Variants in TRDMT1 observed in about 807,000 individuals in gnomAD.
TRDMT1 encodes tRNA aspartic acid methyltransferase 1, also known as tRNA (cytosine(38)-C(5))-methyltransferase.
Under a neutral mutation model 51.2 loss-of-function variants are expected in TRDMT1, and 49 were observed. That is an observed-to-expected ratio of 0.96 (90% CI 0.76 to 1.21). The LOEUF (loss-of-function observed/expected upper bound fraction) is 1.21. Ranked by LOEUF, TRDMT1 falls within the 50% of genes most tolerant of loss-of-function variation. The probability of loss-of-function intolerance (pLI) is 0.00; values close to 1 mark genes in which losing one functional copy is unlikely to be tolerated. For missense variants in TRDMT1, 534 were observed against 462.3 expected (o/e 1.16, Z -1.42); for synonymous variants, 187 against 164.6 (o/e 1.14, Z -1.04).
In TRDMT1 at chr10:17,145,071, G is replaced by A; in HGVS notation, c.*3969C>T. ...TCGAGACCAGCCTGGCCAACATGGT[G>A]AAACCCGATCTCTACTAATACAAAA... is the stretch of plus-strand genomic sequence containing the variant. On this transcript the variant is annotated 3_prime_UTR_variant, in exon 11 of 11. Transcript: ENST00000377799. 1.4e-6 allele frequency: 1 copy of A among 722,742 alleles called. No individual in the cohort carries two copies. The highest frequency in any genetic ancestry group is 1.7e-6 in the Non-Finnish European group (1 of 590,266). 44.8% of individuals were successfully genotyped at this position (722,742 alleles called of 1,614,324 possible).
chr10:17,174,313 T>C (rs1842387634), intron 2 of TRDMT1, among the ~76,000 whole-genome samples: 1 of 152,214 alleles, frequency 6.6e-6, no homozygotes, highest in Non-Finnish European at 1.5e-5. Context: ...AGCATATCCT[T>C]ACATTTCAAT....
In TRDMT1 at chr10:17,146,638, C is replaced by T. The variant is rs7900163; in HGVS notation, c.*2402G>A. ...TGATGGGAAAAGGAGAACGAAAAAT[C>T]GGTTTACTGTAAGGTATGGTGAAGA... is the stretch of plus-strand genomic sequence containing the variant. On this transcript the variant is annotated 3_prime_UTR_variant, in exon 11 of 11. Coordinates refer to ENST00000377799, the MANE Select transcript of TRDMT1 (RefSeq NM_004412.7). The T allele has an allele frequency of 0.53, 521,502 of 983,216 alleles. 138,544 individuals are homozygous for T. The highest frequency in any genetic ancestry group is 0.57 in the South Asian group (12,018 of 21,238). The allele number at this position is 983,216 out of a possible 1,614,324, so 60.9% of individuals were successfully genotyped here. A position where few individuals can be genotyped will look rare whatever the true frequency, so the allele number is the denominator to read the frequency against.
Position 17,142,181 on chromosome 10 carries a change from T to C in TRDMT1, c.*6859A>G, listed in dbSNP as rs901550767. 5.9e-5 allele frequency: 9 copies of C among 152,232 alleles called. No individual in the cohort carries two copies. Among genetic ancestry groups the C allele is most frequent in the Admixed American group, 6.5e-5 (1 of 15,294 alleles). 9.4% of individuals were successfully genotyped at this position (152,232 alleles called of 1,614,324 possible). A position where few individuals can be genotyped will look rare whatever the true frequency, so the allele number is the denominator to read the frequency against. On this transcript the variant is annotated 3_prime_UTR_variant, in exon 11 of 11. Coordinates refer to ENST00000377799, the MANE Select transcript of TRDMT1 (RefSeq NM_004412.7). ...GTCATCTGTTGACTGTCATTTCTTA[T>C]TCAAGTTGTGATTTTTCTGGTTCTT...
Position 17,140,036 on chromosome 10 carries a change from G to GTTTTT in TRDMT1, c.*9003_*9004insAAAAA, listed in dbSNP as rs1564532491. On this transcript the variant is annotated 3_prime_UTR_variant, in exon 11 of 11. Transcript: ENST00000377799. Reference sequence around the variant, plus strand: ...ATATTCTTCCAGTAACATCTAGTGTGCTTTTTTTTTTTTTTTTTTTTTTTT... The same window carrying GTTTTT: ...ATATTCTTCCAGTAACATCTAGTGTGTTTTTCTTTTTTTTTTTTTTTTTTTTTTTT... Among the ~76,000 whole-genome samples, 4 of 39,636 alleles carry GTTTTT rather than the reference G, an allele frequency of 1.0e-4. No homozygotes were observed. The highest frequency in any genetic ancestry group is 1.9e-4 in the African/African-American group (2 of 10,564). 26.0% of individuals were successfully genotyped at this position (39,636 alleles called of 152,430 possible).
At chr10:17,191,577 G>C (rs1410080903) in intron 1 of TRDMT1, among the ~76,000 whole-genome samples, 1 of 152,144 alleles carries the variant, frequency 6.6e-6, no homozygotes, top group Non-Finnish European at 1.5e-5. Context: ...GGATTTGGTA[G>C]AGCCAGGCTG....
chr10:17,153,930 A>G (rs1320886831), intron 9 of TRDMT1, among the ~76,000 whole-genome samples: 2 of 152,244 alleles, frequency 1.3e-5, no homozygotes, highest in African/African-American at 4.8e-5. Flanking sequence ...ACAATATAAA[A>G]GAAATATAGT....
intron 1 of TRDMT1, among the ~76,000 whole-genome samples, chr10:17,178,827 AC>A (rs1485725315): frequency 6.6e-6 from 1 of 152,156 alleles, no homozygotes; most frequent in Non-Finnish European, 1.5e-5. Context: ...AACAAAATTT[AC>A]TTTGTGTCAA....
chr10:17,187,811 C>A (rs928157722), intron 1 of TRDMT1, among the ~76,000 whole-genome samples: 9 of 152,112 alleles, frequency 5.9e-5, no homozygotes, highest in Admixed American at 4.6e-4. Context: ...TACACACATA[C>A]CCACTGTATG....
At chr10:17,165,742 T>G (rs1841109701) in intron 3 of TRDMT1, among the ~76,000 whole-genome samples, 1 of 152,216 alleles carries the variant, frequency 6.6e-6, no homozygotes, top group Non-Finnish European at 1.5e-5. Flanking sequence ...AAAGAAGACA[T>G]TTATGCAGCC....
chr10:17,145,036 G>A lies in TRDMT1; in HGVS notation c.*4004C>T. 1.1e-6 allele frequency: 1 copy of A among 935,478 alleles called. No individual in the cohort carries two copies. The highest frequency in any genetic ancestry group is 1.3e-6 in the Non-Finnish European group (1 of 784,450). 57.9% of individuals were successfully genotyped at this position (935,478 alleles called of 1,614,324 possible). A position where few individuals can be genotyped will look rare whatever the true frequency, so the allele number is the denominator to read the frequency against. On this transcript the variant is annotated 3_prime_UTR_variant, in exon 11 of 11. Coordinates refer to ENST00000377799, the MANE Select transcript of TRDMT1 (RefSeq NM_004412.7). Reference sequence around the variant, plus strand: ...AGCCAAGGTGGGTGGATTAACTTGAGGTCAGGTGTTCGAGACCAGCCTGGC... The same window carrying A: ...AGCCAAGGTGGGTGGATTAACTTGAAGTCAGGTGTTCGAGACCAGCCTGGC...
At chr10:17,177,560 T>C (rs1842764503) in intron 1 of TRDMT1, among the ~76,000 whole-genome samples, 1 of 152,124 alleles carries the variant, frequency 6.6e-6, no homozygotes, top group South Asian at 2.1e-4. Context: ...AAGGAATACA[T>C]AAGGACATCA....
Position 17,142,816 on chromosome 10 carries a change from G to A in TRDMT1, c.*6224C>T, listed in dbSNP as rs1357441017. Reference sequence around the variant, plus strand: ...GGAACCATGTTGTTCCTCTAGTCTTGGGGTCCCTCCGCAGTGTGTCTTCCT... The same window carrying A: ...GGAACCATGTTGTTCCTCTAGTCTTAGGGTCCCTCCGCAGTGTGTCTTCCT... On this transcript the variant is annotated 3_prime_UTR_variant, in exon 11 of 11. Coordinates refer to ENST00000377799, the MANE Select transcript of TRDMT1 (RefSeq NM_004412.7). The A allele has an allele frequency of 4.2e-6, 1 of 239,474 alleles. No individual in the cohort carries two copies. Among genetic ancestry groups the A allele is most frequent in the Non-Finnish European group, 6.8e-6 (1 of 147,918 alleles). The allele number at this position is 239,474 out of a possible 1,614,324, so 14.8% of individuals were successfully genotyped here.
chr10:17,159,955 T>C (rs1840079904), intron 6 of TRDMT1, among the ~76,000 whole-genome samples: 1 of 152,294 alleles, frequency 6.6e-6, no homozygotes, highest in South Asian at 2.1e-4. Flanking sequence ...TATTGTTTTC[T>C]ATTTTGGATT....
chr10:17,165,818 G>A (rs1189087781), intron 3 of TRDMT1, among the ~76,000 whole-genome samples: 1 of 152,182 alleles, frequency 6.6e-6, no homozygotes, highest in African/African-American at 2.4e-5. Flanking sequence ...AAACTACAAT[G>A]AGATACCATC....
At chr10:17,178,104 A>G (rs1842837106) in intron 1 of TRDMT1, among the ~76,000 whole-genome samples, 1 of 152,158 alleles carries the variant, frequency 6.6e-6, no homozygotes, top group East Asian at 1.9e-4. Flanking sequence ...TTCCTTCTTT[A>G]TTATTTATTT....
intron 1 of TRDMT1, among the ~76,000 whole-genome samples, chr10:17,193,382 G>T (rs1844963279): frequency 6.6e-6 from 1 of 152,028 alleles, no homozygotes; most frequent in South Asian, 2.1e-4. Flanking sequence ...CTTTGCAGAT[G>T]ATATTATTTT....
chr10:17,151,615 A>G (rs554269260), intron 10 of TRDMT1: 2 of 985,246 alleles, frequency 2.0e-6, no homozygotes, highest in Admixed American at 6.1e-5. Flanking sequence ...GAGGTTCAGT[A>G]ATTTCAAAGG....
In TRDMT1 at chr10:17,144,413, C is replaced by T. The variant is rs147487270; in HGVS notation, c.*4627G>A. 2.4e-4 allele frequency: 240 copies of T among 985,522 alleles called. No homozygotes were observed. The African/African-American group carries it at 3.9e-3, about 16-fold the overall frequency. 61.0% of individuals were successfully genotyped at this position (985,522 alleles called of 1,614,324 possible). On this transcript the variant is annotated 3_prime_UTR_variant, in exon 11 of 11. Coordinates refer to ENST00000377799, the MANE Select transcript of TRDMT1 (RefSeq NM_004412.7). ...TTCAGAAAAGAGTTCTATGGGAGAA[C>T]TCAGTTCCTATCTTGTAATTTTTGT...
chr10:17,179,983 C>A (rs993487471), intron 1 of TRDMT1, among the ~76,000 whole-genome samples: 2 of 152,092 alleles, frequency 1.3e-5, no homozygotes, highest in African/African-American at 2.4e-5. Context: ...ACTAAGCAAT[C>A]CCTAAAGACA....
Sources: gnomAD v4.1 joint callset for allele counts (sites outside exome capture counted in the v4.1 genomes callset) on GRCh38, gnomAD v4.1.1 for gene constraint, MANE v1.5 for transcripts, NCBI Gene and HGNC (gene_info 2026-07-23, HGNC 2026-07-21) for gene names.